The following PDE7B variants were observed in gnomAD, a reference collection of about 807,000 sequenced individuals.
PDE7B encodes 3',5'-cyclic-AMP phosphodiesterase 7B.
Under a neutral mutation model 56.2 loss-of-function variants are expected in PDE7B, and 29 were observed. The ratio of observed to expected loss-of-function variants is 0.52; its 90% CI spans 0.38 to 0.70. PDE7B has a LOEUF of 0.70. PDE7B is among the 30% of genes least tolerant of loss of function. The pLI is 0.00. For synonymous variants in PDE7B, 197 were observed against 196.9 expected, an observed-to-expected ratio of 1.00 and a Z score of 0.00; for missense variants, 490 against 565.0, an observed-to-expected ratio of 0.87 and a Z score of 1.35.
chr6:136,093,020 G>T (rs1777415286), intron 2 of PDE7B, among the ~76,000 whole-genome samples: 2 of 152,094 alleles, frequency 1.3e-5, no homozygotes, highest in South Asian at 4.1e-4. Context: ...CATTTCACAA[G>T]GTATACATTC....
intron 2 of PDE7B, among the ~76,000 whole-genome samples, chr6:135,990,439 T>G (rs1775459805): frequency 1.3e-5 from 2 of 152,122 alleles, no homozygotes; most frequent in Admixed American, 1.3e-4. Context: ...TGATGAATAC[T>G]TAATTTTGAA....
chr6:136,020,707 A>G (rs901121561), intron 2 of PDE7B, among the ~76,000 whole-genome samples: 4 of 151,688 alleles, frequency 2.6e-5, no homozygotes, highest in African/African-American at 9.6e-5. Context: ...TGGTCTCTAA[A>G]TAAGCACCTA....
chr6:136,122,380 G>A (rs1424993997), intron 3 of PDE7B, among the ~76,000 whole-genome samples: 1 of 152,154 alleles, frequency 6.6e-6, no homozygotes, highest in Non-Finnish European at 1.5e-5. Flanking sequence ...ATCTTATATA[G>A]CAAGTGGTTG....
chr6:135,881,302 C>T (rs942290216), intron 1 of PDE7B, among the ~76,000 whole-genome samples: 1 of 150,330 alleles, frequency 6.7e-6, no homozygotes, highest in Non-Finnish European at 1.5e-5. Flanking sequence ...TCGAGACCAT[C>T]CTGGCCAACA....
chr6:136,078,018 G>T (rs1160015444), intron 2 of PDE7B, among the ~76,000 whole-genome samples: 2 of 152,182 alleles, frequency 1.3e-5, no homozygotes, highest in Non-Finnish European at 2.9e-5. Context: ...CAGTTCAGTT[G>T]AATGTAAATC....
chr6:136,101,961 C>T (rs1424020144), intron 2 of PDE7B, among the ~76,000 whole-genome samples: 2 of 152,156 alleles, frequency 1.3e-5, no homozygotes, highest in Non-Finnish European at 2.9e-5. Context: ...AGAAACATGG[C>T]CTGGGAAGAC....
At chr6:136,115,438 G>A (rs74472549) in intron 3 of PDE7B, among the ~76,000 whole-genome samples, 14,442 of 152,098 alleles carry the variant, frequency 0.095, 2,196 homozygotes, top group African/African-American at 0.32. Context: ...GGAAAACATT[G>A]TCAACAAGTT....
intron 2 of PDE7B, among the ~76,000 whole-genome samples, chr6:135,951,208 C>T (rs1774693313): frequency 6.6e-6 from 1 of 151,542 alleles, no homozygotes; most frequent in African/African-American, 2.4e-5. Context: ...CTGTCCTCCC[C>T]TCTCCACCTT....
chr6:136,049,815 G>A (rs1229569813), intron 2 of PDE7B, among the ~76,000 whole-genome samples: 1 of 152,198 alleles, frequency 6.6e-6, no homozygotes, highest in Non-Finnish European at 1.5e-5. Context: ...GGACGAGACT[G>A]CATATGGACA....
At chr6:135,889,440 A>ATTTT (rs11440304) in intron 1 of PDE7B, among the ~76,000 whole-genome samples, 3 of 103,336 alleles carry the variant, frequency 2.9e-5, no homozygotes, top group Non-Finnish European at 1.9e-5. Context: ...GGTGCTACCA[A>ATTTT]TTTTTTTTTT....
At chr6:136,156,475 C>A (rs1778607051) in intron 8 of PDE7B, among the ~76,000 whole-genome samples, 1 of 152,138 alleles carries the variant, frequency 6.6e-6, no homozygotes, top group South Asian at 2.1e-4. Context: ...GCATGAGCCA[C>A]CTGGGACTAC....
At chr6:136,118,026 T>G (rs892431214) in intron 3 of PDE7B, among the ~76,000 whole-genome samples, 1 of 152,168 alleles carries the variant, frequency 6.6e-6, no homozygotes, top group Non-Finnish European at 1.5e-5. Context: ...ATGCAAGATT[T>G]TAATTTGATT....
At chr6:136,037,590 C>A in intron 2 of PDE7B, 1 of 985,350 alleles carries the variant, frequency 1.0e-6, no homozygotes, top group Non-Finnish European at 1.2e-6. Flanking sequence ...TGCAGATTGG[C>A]TCTGCAGACT....
intron 8 of PDE7B, among the ~76,000 whole-genome samples, chr6:136,159,618 T>G (rs148411339): frequency 6.6e-6 from 1 of 152,162 alleles, no homozygotes; most frequent in East Asian, 1.9e-4. Flanking sequence ...AAGGAGACCA[T>G]TGGCTTGTTA....
intron 1 of PDE7B, among the ~76,000 whole-genome samples, chr6:135,868,431 C>CTT (rs562195190): frequency 2.0e-5 from 3 of 146,400 alleles, no homozygotes; most frequent in Non-Finnish European, 4.6e-5. Flanking sequence ...GGGAGATAAA[C>CTT]TTTTTTTTTT....
chr6:136,081,649 T>C (rs901653003), intron 2 of PDE7B, among the ~76,000 whole-genome samples: 38 of 152,174 alleles, frequency 2.5e-4, no homozygotes, highest in African/African-American at 8.0e-4. Flanking sequence ...AACAAACAGA[T>C]AGGCAAAGAA....
intron 8 of PDE7B, among the ~76,000 whole-genome samples, chr6:136,172,251 C>T (rs1778899698): frequency 6.6e-6 from 1 of 152,180 alleles, no homozygotes; most frequent in Non-Finnish European, 1.5e-5. Flanking sequence ...TACAGTCCCA[C>T]CAACAGTGTA....
At chr6:136,160,063 G>A (rs2128448424) in intron 8 of PDE7B, among the ~76,000 whole-genome samples, 1 of 152,194 alleles carries the variant, frequency 6.6e-6, no homozygotes, top group South Asian at 2.1e-4. Flanking sequence ...GAAGTTGGAA[G>A]GGTTTTGTTT....
At chr6:135,883,244 T>A (rs973711073) in intron 1 of PDE7B, among the ~76,000 whole-genome samples, 1 of 152,186 alleles carries the variant, frequency 6.6e-6, no homozygotes, top group African/African-American at 2.4e-5. Context: ...TGCGGCTCAA[T>A]TGGACATACA....
Sources: allele counts gnomAD v4.1 joint callset (sites outside exome capture counted in the v4.1 genomes callset), GRCh38; gene constraint gnomAD v4.1.1; transcripts MANE v1.5; gene names NCBI Gene and HGNC (gene_info 2026-07-23, HGNC 2026-07-21).